The following PYROXD2 variants were observed in gnomAD, a reference collection of about 807,000 sequenced individuals.
PYROXD2 encodes the protein pyridine nucleotide-disulfide oxidoreductase domain-containing protein 2.
A neutral mutation model predicts 71.1 loss-of-function variants in PYROXD2; 69 were observed. The observed-to-expected ratio is 0.97, with a 90% CI of 0.80 to 1.19. The LOEUF (loss-of-function observed/expected upper bound fraction) is 1.19. Ranked by LOEUF, PYROXD2 falls within the 50% of genes most tolerant of loss-of-function variation. The pLI is 0.00. For missense variants in PYROXD2, 745 were observed against 748.9 expected, an observed-to-expected ratio of 0.99 and a Z score of 0.06; for synonymous variants, 287 against 302.7, an observed-to-expected ratio of 0.95 and a Z score of 0.54.
At chr10:98,393,671 C>T (rs191833719) in intron 8 of PYROXD2, among the ~76,000 whole-genome samples, 2 of 152,274 alleles carry the variant, frequency 1.3e-5, no homozygotes, top group East Asian at 1.9e-4. Context: ...GACCCCCTCT[C>T]CCACACTTTC....
At chr10:98,400,281 C>T (rs1843348966) in intron 4 of PYROXD2, 24 bp from the exon 5 acceptor site, 3 of 1,591,128 alleles carry the variant, frequency 1.9e-6, no homozygotes, top group Non-Finnish European at 2.6e-6. Flanking sequence ...ATAGCATGGG[C>T]CACATATTAA....
intron 15 of PYROXD2, 151 bp downstream of exon 15, chr10:98,384,796 T>C: frequency 8.3e-7 from 1 of 1,205,770 alleles, no homozygotes; most frequent in East Asian, 2.8e-5. Context: ...TGTGCATGGA[T>C]AATTCTGAAC....
intron 6 of PYROXD2, among the ~76,000 whole-genome samples, chr10:98,395,697 C>T (rs959319507): frequency 2.6e-5 from 4 of 152,198 alleles, no homozygotes; most frequent in Non-Finnish European, 1.5e-5. Flanking sequence ...TCCTATTTTA[C>T]ACCCCAAGGG....
Position 98,392,425 on chromosome 10 carries a change from G to T in PYROXD2, c.1062+7C>A. The T allele has an allele frequency of 6.2e-7, 1 of 1,612,944 alleles. No individual in the cohort carries two copies. On this transcript the variant is annotated splice_region_variant and intron_variant, in intron 10 of 15. Transcript: ENST00000370575. ...TCTAAGCTCCACCCTCCTGCCCACA[G>T]CCTCACCTGTGGCGTCAGCTTCAGG... is the stretch of plus-strand genomic sequence containing the variant.
intron 10 of PYROXD2, 77 bp downstream of exon 10, chr10:98,392,355 G>A (rs1842972903): frequency 3.2e-6 from 5 of 1,563,912 alleles, no homozygotes; most frequent in African/African-American, 1.3e-5. Flanking sequence ...ATGCAATCCT[G>A]GCTCCCTCAA....
chr10:98,411,175 C>T, intron 1 of PYROXD2: 1 of 683,656 alleles, frequency 1.5e-6, no homozygotes, highest in Non-Finnish European at 2.4e-6. Context: ...TGGTTCTTGC[C>T]TTGGCTGGAA....
At position 98,388,446 on chromosome 10, in the gene PYROXD2, T is replaced by C; in HGVS notation, c.1355A>G (p.His452Arg). ...LDPTLAPPGC[H>R]VVSLFTQYMP... Reference sequence around the variant, plus strand: ...GTACTGAGTGAAGAGGGAGACTACATGGCAGCCAGGGGGAGCCAGGGTGGG... The same window carrying C: ...GTACTGAGTGAAGAGGGAGACTACACGGCAGCCAGGGGGAGCCAGGGTGGG... The change falls in exon 13 of 16, where the codon CAT (histidine) becomes CGT (arginine). Residue 452 changes from histidine to arginine, a missense_variant. Coordinates refer to ENST00000370575, the MANE Select transcript of PYROXD2 (RefSeq NM_032709.3). 1.2e-6 allele frequency: 2 copies of C among 1,613,178 alleles called. No homozygotes were observed. The highest frequency in any genetic ancestry group is 2.2e-5 in the East Asian group (1 of 44,844).
chr10:98,401,148 A>C (rs972159983), intron 4 of PYROXD2, among the ~76,000 whole-genome samples: 2 of 151,250 alleles, frequency 1.3e-5, no homozygotes, highest in African/African-American at 4.9e-5. Flanking sequence ...AACTACTCGG[A>C]AGGCTGAGGC....
intron 6 of PYROXD2, among the ~76,000 whole-genome samples, chr10:98,396,216 G>C (rs12265576): frequency 0.059 from 8,926 of 152,280 alleles, 823 homozygotes; most frequent in African/African-American, 0.2. Context: ...TCAGCCAGTG[G>C]AATGTTTGCC....
intron 8 of PYROXD2, among the ~76,000 whole-genome samples, chr10:98,394,273 C>T (rs1009759388): frequency 2.0e-5 from 3 of 152,074 alleles, no homozygotes; most frequent in Non-Finnish European, 2.9e-5. Context: ...CCCAGGGATC[C>T]GAAGAGAAAA....
chr10:98,397,462 C>A lies in PYROXD2; in HGVS notation c.508G>T (p.Ala170Ser). The change falls in exon 6 of 16, where the codon GCA (alanine) becomes TCA (serine). Residue 170 changes from alanine (A) to serine (S), a missense_variant. By Grantham distance (99) the Ala-to-Ser change is moderately conservative (BLOSUM62 1). Transcript: ENST00000370575. ...PKYEEFMHRL[A>S]LAIDPLLDAA... is the part of the protein sequence containing the mutation. ...TCCAGCAGAGGGTCAATGGCTAATGCCAAGCGATGCATGAACTCCTCATAT... is the reference window on the plus strand; with the variant it reads ...TCCAGCAGAGGGTCAATGGCTAATGACAAGCGATGCATGAACTCCTCATAT... 6.2e-7 allele frequency: 1 copy of A among 1,611,994 alleles called. No homozygotes were observed.
intron 4 of PYROXD2, among the ~76,000 whole-genome samples, 155 bp downstream of exon 4, chr10:98,407,427 C>T (rs1316961455): frequency 1.3e-5 from 2 of 152,176 alleles, no homozygotes; most frequent in African/African-American, 4.8e-5. Flanking sequence ...GGGAATGCAG[C>T]AGGGAGACCA....
intron 1 of PYROXD2, 57 bp from the exon 2 acceptor site, chr10:98,411,015 G>T: frequency 6.4e-7 from 1 of 1,552,084 alleles, no homozygotes; most frequent in South Asian, 1.2e-5. Context: ...CGGGCAGACA[G>T]ACAGTCCTTG....
At chr10:98,387,404 A>G (rs531318655) in intron 13 of PYROXD2, 97 bp from the exon 14 acceptor site, 238 of 782,956 alleles carry the variant, frequency 3.0e-4, no homozygotes, top group Non-Finnish European at 4.8e-4. Context: ...TCATTAAATT[A>G]CACACAGAAA....
chr10:98,395,433 C>A lies in PYROXD2; in HGVS notation c.645G>T (p.Gln215His), dbSNP rs373046219. 63 of 1,614,230 alleles carry A rather than the reference C, an allele frequency of 3.9e-5. No individual in the cohort carries two copies. In the African/African-American group the frequency reaches 7.9e-4, roughly 20 times the overall value. The change falls in exon 7 of 16, where the codon CAG becomes CAT. Residue 215 changes from glutamine (Q) to histidine (H), a missense_variant. Gln to His is a conservative substitution (Grantham distance 24). Coordinates refer to ENST00000370575, the MANE Select transcript of PYROXD2 (RefSeq NM_032709.3). ...LLKAGRILGA[Q>H]LPRYYEVLTA... ...TGAGGACCTCATAATATCGGGGAAGCTGGGCTCCCAGGATGCGGCCTACAA... is the reference window on the plus strand; with the variant it reads ...TGAGGACCTCATAATATCGGGGAAGATGGGCTCCCAGGATGCGGCCTACAA...
chr10:98,403,182 A>G lies in PYROXD2; in HGVS notation c.316-2925T>C, dbSNP rs1432183687. Among the ~76,000 whole-genome samples, 3 of 152,170 alleles carry G rather than the reference A, an allele frequency of 2.0e-5. No homozygotes were observed. The South Asian group carries it at 6.2e-4, about 32-fold the overall frequency. On this transcript the variant is annotated intron_variant, in intron 4 of 15. Transcript: ENST00000370575. The stretch of plus-strand genomic sequence containing the variant: ...TCCCTCCTATCCCTAAGATGGAGAC[A>G]TTCTTTATTCTAAGCTAGAGAAACT...
At position 98,397,377 on chromosome 10, in the gene PYROXD2, G is replaced by A. The variant is rs754146859; in HGVS notation, c.593C>T (p.Ser198Leu). Residue 198 changes from serine to leucine, a missense_variant, in exon 6 of 16, where the codon TCG (serine) becomes TTG (leucine). Coordinates refer to ENST00000370575, the MANE Select transcript of PYROXD2 (RefSeq NM_032709.3). ...QHGSLLQRMR[S>L]LSTLKPLLKA... ...CAGCAGGGGCTTGAGGGTGGAGAGC[G>A]ACCTCATCCTTTGCAGCAAGGAGCC... 12 of 1,610,256 alleles carry A rather than the reference G, an allele frequency of 7.5e-6. No homozygotes were observed. The highest frequency in any genetic ancestry group is 1.3e-5 in the African/African-American group (1 of 74,862).
intron 12 of PYROXD2, 151 bp from the exon 13 acceptor site, chr10:98,388,659 G>A (rs759571527): frequency 8.6e-6 from 8 of 925,990 alleles, no homozygotes; most frequent in African/African-American, 1.7e-5. Context: ...CCACCTGCAC[G>A]GGCTTAGCGG....
chr10:98,414,907 G>A (rs1460260702), intron 1 of PYROXD2, 102 bp downstream of exon 1: 1 of 1,497,254 alleles, frequency 6.7e-7, no homozygotes, highest in Non-Finnish European at 9.0e-7. Context: ...TGCCAGAGGA[G>A]AGAGCAGTGG....
Sources: allele counts gnomAD v4.1 joint callset (sites outside exome capture counted in the v4.1 genomes callset), GRCh38; gene constraint gnomAD v4.1.1; transcripts MANE v1.5; gene names NCBI Gene and HGNC (gene_info 2026-07-23, HGNC 2026-07-21).